BCL2L1: variants seen among roughly 807,000 people sequenced by gnomAD.
BCL2L1 encodes BCL2 like 1.
Under a neutral mutation model 18.7 loss-of-function variants are expected in BCL2L1, and 1 was observed. The observed-to-expected ratio is 0.05, with a 90% CI of 0.02 to 0.25. The LOEUF (loss-of-function observed/expected upper bound fraction) is 0.25. Ranked by LOEUF, BCL2L1 falls within the 10% of genes least tolerant of loss-of-function variation. The pLI is 1.00. For synonymous variants in BCL2L1, 103 were observed against 122.7 expected, an observed-to-expected ratio of 0.84 and a Z score of 1.06; for missense variants, 207 against 304.9, an observed-to-expected ratio of 0.68 and a Z score of 2.39.
intron 2 of BCL2L1, among the ~76,000 whole-genome samples, chr20:31,677,473 T>C (rs867872151): frequency 2.0e-5 from 3 of 152,204 alleles, no homozygotes; most frequent in Admixed American, 1.3e-4. Flanking sequence ...CGTCAGCCAC[T>C]GCATCTGGCC....
At chr20:31,699,769 A>C (rs1279921421) in intron 2 of BCL2L1, among the ~76,000 whole-genome samples, 1 of 152,220 alleles carries the variant, frequency 6.6e-6, no homozygotes, top group Non-Finnish European at 1.5e-5. Flanking sequence ...CTTTACTGGA[A>C]AAGAAAGTAG....
intron 2 of BCL2L1, among the ~76,000 whole-genome samples, chr20:31,703,093 G>A (rs545911631): frequency 5.3e-5 from 8 of 152,056 alleles, no homozygotes; most frequent in African/African-American, 1.9e-4. Context: ...TGCCCAGGCT[G>A]GAGTGCAATG....
intron 2 of BCL2L1, among the ~76,000 whole-genome samples, chr20:31,704,998 AC>A (rs1451275631): frequency 3.9e-5 from 6 of 152,334 alleles, no homozygotes; most frequent in Non-Finnish European, 7.3e-5. Context: ...CAGTGGATAG[AC>A]CAAAAACTAC....
Position 31,722,227 on chromosome 20 carries a change from T to A in BCL2L1, c.-9A>T. 1 of 1,490,844 alleles carries A rather than the reference T, an allele frequency of 6.7e-7. No individual in the cohort carries two copies. Among genetic ancestry groups the A allele is most frequent in the South Asian group, 1.4e-5 (1 of 73,386 alleles). The allele number at this position is 1,490,844 out of a possible 1,614,324, so 92.4% of individuals were successfully genotyped here. A position where few individuals can be genotyped will look rare whatever the true frequency, so the allele number is the denominator to read the frequency against. On this transcript the variant is annotated 5_prime_UTR_variant, in exon 2 of 3. Coordinates refer to ENST00000307677, the MANE Select transcript of BCL2L1 (RefSeq NM_138578.3). ...CGGTTGCTCTGAGACATTTTTATAA[T>A]AGGGATGGGCTCAACCAGTCCATTG...
chr20:31,708,707 C>G (rs564471024), intron 2 of BCL2L1, among the ~76,000 whole-genome samples: 1 of 152,296 alleles, frequency 6.6e-6, no homozygotes, highest in South Asian at 2.1e-4. Context: ...GCAGGAGGTA[C>G]CTGATTGCCA....
At chr20:31,720,133 C>G in intron 2 of BCL2L1, 1 of 985,418 alleles carries the variant, frequency 1.0e-6, no homozygotes, top group South Asian at 4.7e-5. Flanking sequence ...CTGACCCCAC[C>G]CCAGTTATCT....
intron 2 of BCL2L1, among the ~76,000 whole-genome samples, chr20:31,696,414 T>A (rs997306281): frequency 2.0e-5 from 3 of 152,168 alleles, no homozygotes; most frequent in African/African-American, 7.2e-5. Flanking sequence ...TACTTGTGCC[T>A]GCACCCATGC....
intron 2 of BCL2L1, among the ~76,000 whole-genome samples, chr20:31,710,256 G>A (rs2061433202): frequency 6.6e-6 from 1 of 152,140 alleles, no homozygotes; most frequent in Admixed American, 6.5e-5. Flanking sequence ...TAAACATGGC[G>A]ACCTCTAGGG....
At chr20:31,696,514 G>A (rs971853075) in intron 2 of BCL2L1, among the ~76,000 whole-genome samples, 1 of 152,186 alleles carries the variant, frequency 6.6e-6, no homozygotes, top group Non-Finnish European at 1.5e-5. Context: ...GTACTCTAGG[G>A]CACTTACTTC....
chr20:31,671,320 C>T (rs1256912876), intron 2 of BCL2L1, among the ~76,000 whole-genome samples: 1 of 152,040 alleles, frequency 6.6e-6, no homozygotes, highest in Non-Finnish European at 1.5e-5. Flanking sequence ...AGGCTAGTAT[C>T]ACTTTCAAGG....
At chr20:31,704,231 G>A (rs1273672179) in intron 2 of BCL2L1, among the ~76,000 whole-genome samples, 1 of 151,534 alleles carries the variant, frequency 6.6e-6, no homozygotes, top group Non-Finnish European at 1.5e-5. Context: ...AGCCTCCTGA[G>A]TAGCTGGGAT....
Position 31,719,812 on chromosome 20 carries a change from A to G in BCL2L1, c.564+1843T>C, listed in dbSNP as rs113035747. Reference sequence around the variant, plus strand: ...CTCTCCCAGACTGCCTTTTGTTTATAGCTGGCAACAACCCACCTGGTATTA... The same window carrying G: ...CTCTCCCAGACTGCCTTTTGTTTATGGCTGGCAACAACCCACCTGGTATTA... On this transcript the variant is annotated intron_variant, in intron 2 of 2. Coordinates refer to ENST00000307677, the MANE Select transcript of BCL2L1 (RefSeq NM_138578.3). 1.7e-3 allele frequency among the ~76,000 whole-genome samples: 256 copies of G among 152,334 alleles called. 3 individuals are homozygous for G. The highest frequency in any genetic ancestry group is 6.0e-3 in the African/African-American group (249 of 41,564).
chr20:31,720,878 G>A (rs1045652989), intron 2 of BCL2L1: 3 of 985,380 alleles, frequency 3.0e-6, no homozygotes, highest in African/African-American at 1.7e-5. Flanking sequence ...GGCTCTGGCC[G>A]GAAAGTAACA....
Position 31,697,029 on chromosome 20 carries a change from C to T in BCL2L1, c.564+24626G>A, listed in dbSNP as rs1183479681. Among the ~76,000 whole-genome samples the T allele has an allele frequency of 2.5e-5, 3 of 119,470 alleles. No individual in the cohort carries two copies. In the East Asian group the frequency reaches 7.1e-4, roughly 28 times the overall value. The allele number at this position is 119,470 out of a possible 152,430, so 78.4% of individuals were successfully genotyped here. A position where few individuals can be genotyped will look rare whatever the true frequency, so the allele number is the denominator to read the frequency against. On this transcript the variant is annotated intron_variant, in intron 2 of 2. Coordinates refer to ENST00000307677, the MANE Select transcript of BCL2L1 (RefSeq NM_138578.3). ...CGAGATCAAGCCACTCCAGCCTGGGCAACAGAGCAAGACTCTATCTCAAAA... is the reference window on the plus strand; with the variant it reads ...CGAGATCAAGCCACTCCAGCCTGGGTAACAGAGCAAGACTCTATCTCAAAA...
At chr20:31,716,163 A>T (rs915881525) in intron 2 of BCL2L1, among the ~76,000 whole-genome samples, 5 of 152,188 alleles carry the variant, frequency 3.3e-5, no homozygotes, top group African/African-American at 9.6e-5. Context: ...ACAACTATGT[A>T]ATTAATTATT....
chr20:31,671,793 T>C (rs749595652), intron 2 of BCL2L1, among the ~76,000 whole-genome samples: 5 of 151,386 alleles, frequency 3.3e-5, no homozygotes, highest in Non-Finnish European at 4.4e-5. Flanking sequence ...ATATAGTATA[T>C]ATAGTATATA....
At chr20:31,667,781 A>G (rs2060609987) in intron 2 of BCL2L1, among the ~76,000 whole-genome samples, 1 of 152,154 alleles carries the variant, frequency 6.6e-6, no homozygotes, top group African/African-American at 2.4e-5. Context: ...ATTCTCCTGC[A>G]CTTAGAAGGG....
chr20:31,702,285 G>C (rs1314358563), intron 2 of BCL2L1, among the ~76,000 whole-genome samples: 1 of 152,186 alleles, frequency 6.6e-6, no homozygotes, highest in African/African-American at 2.4e-5. Flanking sequence ...GGGAGAGACA[G>C]AATGATGGAG....
chr20:31,709,331 G>GCGCGTGCA (rs1422715315), intron 2 of BCL2L1, among the ~76,000 whole-genome samples: 3 of 152,132 alleles, frequency 2.0e-5, no homozygotes, highest in African/African-American at 7.2e-5. Context: ...GTGTGTGTGC[G>GCGCGTGCA]CGCGTGCACG....
Sources: gnomAD v4.1 joint callset for allele counts (sites outside exome capture counted in the v4.1 genomes callset) on GRCh38, gnomAD v4.1.1 for gene constraint, MANE v1.5 for transcripts, NCBI Gene and HGNC (gene_info 2026-07-23, HGNC 2026-07-21) for gene names.